Variants in CLEC10A observed in about 807,000 individuals in gnomAD.
CLEC10A encodes C-type lectin domain containing 10A.
In CLEC10A, 38 loss-of-function variants were observed where a neutral mutation model predicts 42.0. The observed-to-expected ratio is 0.90, with a 90% confidence interval of 0.70 to 1.18. CLEC10A has a LOEUF of 1.18. Among genes scored for constraint, CLEC10A ranks in the 50% most tolerant of loss-of-function variants. The pLI is 0.00. For missense variants in CLEC10A, 298 were observed against 345.9 expected, an observed-to-expected ratio of 0.86 and a Z score of 1.10; for synonymous variants, 126 against 139.9, an observed-to-expected ratio of 0.90 and a Z score of 0.70.
chr17:7,078,058 G>A lies in CLEC10A; in HGVS notation c.123C>T (p.Leu41=). 1 of 1,614,044 alleles carries A rather than the reference G, an allele frequency of 6.2e-7. No homozygotes were observed. Among genetic ancestry groups the A allele is most frequent in the Non-Finnish European group, 8.5e-7 (1 of 1,179,950 alleles). The change falls in exon 3 of 9, where the codon CTC becomes CTT. Residue 41 remains leucine (L), a synonymous_variant. Transcript: ENST00000416562. The part of the protein sequence containing the change: ...LQRLCSGPCH[L]LLSLGLGLLL... ...GGAGGCCGAGGCCCAGGGACAGCAG[G>A]AGATGGCAGGGCCCAGAGCAGAGAC...
chr17:7,079,231 G>A (rs756189275), intron 1 of CLEC10A, among the ~76,000 whole-genome samples: 19 of 152,134 alleles, frequency 1.2e-4, no homozygotes, highest in Non-Finnish European at 2.8e-4. Flanking sequence ...GTTCAATTTT[G>A]GCTTTGGGCT....
In CLEC10A at chr17:7,076,049, T is replaced by C. The variant is rs772740301; in HGVS notation, c.375A>G (p.Arg125=). The C allele has an allele frequency of 5.6e-6, 9 of 1,614,204 alleles. No homozygotes were observed. In the South Asian group the frequency reaches 8.8e-5, roughly 16 times the overall value. Residue 125 remains arginine (R), a synonymous_variant, in exon 6 of 9, where the codon CGA becomes CGG. Transcript: ENST00000416562. The stretch of plus-strand genomic sequence containing the variant: ...TCAGGTCTTGCACCAGCTGCTGGAC[T>C]CGCAGGAGCATTTCAGAATGAACTG... ...RQAVHSEMLL[R]VQQLVQDLKK...
intron 3 of CLEC10A, 45 bp downstream of exon 3, chr17:7,077,933 CACCCCATTATTTATCTTCT>C (rs1463698702): frequency 1.6e-6 from 2 of 1,262,342 alleles, no homozygotes; most frequent in African/African-American, 3.0e-5. Context: ...CCTACTGTAG[CACCCCATTATTTATCTTCT>C]ACCCCATTAT....
chr17:7,076,195 C>T, intron 5 of CLEC10A, 124 bp from the exon 6 acceptor site: 1 of 1,579,936 alleles, frequency 6.3e-7, no homozygotes, highest in South Asian at 1.2e-5. Context: ...CCGCCCCCAC[C>T]CACCCCCTAC....
In CLEC10A at chr17:7,075,439, C is replaced by T. The variant is rs767775644; in HGVS notation, c.622G>A (p.Ala208Thr). ...QNFVQKYLGS[A>T]YTWMGLSDPE... ...TCACTGAGGCCCATCCAGGTGTATG[C>T]GGAGCCTAGATATTTCTGGACAAAA... Residue 208 changes from alanine to threonine, a missense_variant, in exon 8 of 9, where the codon GCA (alanine) becomes ACA (threonine). Physicochemically the swap from Ala to Thr is moderately conservative, Grantham distance 58. Around this residue, in one of 3 missense-constraint regions of CLEC10A, gnomAD observed 267 missense variants for 289.5 expected, o/e 0.92. Coordinates refer to ENST00000416562, the MANE Select transcript of CLEC10A (RefSeq NM_001330070.2). 1.3e-5 allele frequency: 20 copies of T among 1,530,240 alleles called. No individual in the cohort carries two copies. Among genetic ancestry groups the T allele is most frequent in the Admixed American group, 4.3e-5 (2 of 46,204 alleles). 94.8% of individuals were successfully genotyped at this position (1,530,240 alleles called of 1,614,324 possible). A position where few individuals can be genotyped will look rare whatever the true frequency, so the allele number is the denominator to read the frequency against.
rs551538237 is a variant in CLEC10A at position 7,076,918 on chromosome 17, G to A, written c.254C>T (p.Ala85Val). 24 of 1,613,904 alleles carry A rather than the reference G, an allele frequency of 1.5e-5. No individual in the cohort carries two copies. Among genetic ancestry groups the A allele is most frequent in the Middle Eastern group, 1.6e-4 (1 of 6,062 alleles). The change falls in exon 4 of 9, where the codon GCG (alanine) becomes GTG (valine). Residue 85 changes from alanine (A) to valine (V), a missense_variant. Coordinates refer to ENST00000416562, the MANE Select transcript of CLEC10A (RefSeq NM_001330070.2). ...CTGGGAAGTCAGTGCCTGGATCTCC[G>A]CCACAGTGTTTGAGGTGAAGTTGCT... ...DFSNFTSNTV[A>V]EIQALTSQGS...
At chr17:7,076,592 G>A (rs974207017) in intron 5 of CLEC10A, 141 bp downstream of exon 5, 23 of 955,014 alleles carry the variant, frequency 2.4e-5, no homozygotes, top group East Asian at 7.2e-5. Context: ...GATTACAGGC[G>A]TGAACCACTG....
At chr17:7,079,543 G>A (rs538735306) in intron 1 of CLEC10A, among the ~76,000 whole-genome samples, 19 of 151,734 alleles carry the variant, frequency 1.3e-4, no homozygotes, top group African/African-American at 2.9e-4. Context: ...AGGTTGTGCC[G>A]TTGCACTCCA....
At position 7,076,013 on chromosome 17, in the gene CLEC10A, G is replaced by C. The variant is rs770948589; in HGVS notation, c.411C>G (p.Thr137=). The change falls in exon 6 of 9, where the codon ACC becomes ACG. Residue 137 remains threonine, a synonymous_variant. Coordinates refer to ENST00000416562, the MANE Select transcript of CLEC10A (RefSeq NM_001330070.2). ...TGTTGTTGAGAGTAGCCACCTGGCA[G>C]GTCAGTTTCTTCAGGTCTTGCACCA... ...QQLVQDLKKL[T]CQVATLNNNA... The C allele has an allele frequency of 5.6e-6, 9 of 1,614,110 alleles. No homozygotes were observed. Among genetic ancestry groups the C allele is most frequent in the Admixed American group, 3.3e-5 (2 of 60,002 alleles).
chr17:7,074,715 C>T lies in CLEC10A; in HGVS notation c.*339G>A. The T allele has an allele frequency of 5.7e-6, 1 of 176,494 alleles. No homozygotes were observed. The highest frequency in any genetic ancestry group is 1.2e-5 in the Non-Finnish European group (1 of 84,810). The allele number at this position is 176,494 out of a possible 1,614,324, so 10.9% of individuals were successfully genotyped here. A position where few individuals can be genotyped will look rare whatever the true frequency, so the allele number is the denominator to read the frequency against. On this transcript the variant is annotated 3_prime_UTR_variant, in exon 9 of 9. Transcript: ENST00000416562. ...TGGACTGCCCAGAGGCATGAGGGGA[C>T]TGGTGGGGGCGATGGCAATGTTATC...
In CLEC10A at chr17:7,075,852, C is replaced by T. The variant is rs764854106; in HGVS notation, c.473G>A (p.Trp158Ter). 9.9e-6 allele frequency: 16 copies of T among 1,613,908 alleles called. No individual in the cohort carries two copies. The Admixed American group carries it at 2.7e-4, about 27-fold the overall frequency. Reference sequence around the variant, plus strand: ...GTAGCAGCTGTCTTGGTGCTCCACCCAGTTGACAGGGCAGCAGGTCCCTTC... The same window carrying T: ...GTAGCAGCTGTCTTGGTGCTCCACCTAGTTGACAGGGCAGCAGGTCCCTTC... The part of the protein sequence containing the change: ...STEGTCCPVN[W>*]VEHQDSCYWF... The change falls in exon 7 of 9, where the codon TGG becomes TAG. Residue 158 changes from tryptophan (W) to a stop codon, truncating the protein, a stop_gained. Coordinates refer to ENST00000416562, the MANE Select transcript of CLEC10A (RefSeq NM_001330070.2). LOFTEE classifies it high-confidence loss of function.
At chr17:7,076,833 G>T in intron 4 of CLEC10A, 29 bp from the exon 5 acceptor site, 1 of 1,613,838 alleles carries the variant, frequency 6.2e-7, no homozygotes, top group Non-Finnish European at 8.5e-7. Flanking sequence ...TGGCTTAGGG[G>T]TCAACTTCCT....
At position 7,078,835 on chromosome 17, in the gene CLEC10A, G is replaced by A; in HGVS notation, c.-23C>T. ...CATGCTTGGGCCAACACGGCTCTGA[G>A]GTTGTCACAGCTGAAATGGAGGCAG... On this transcript the variant is annotated 5_prime_UTR_variant, in exon 2 of 9. Transcript: ENST00000416562. 6.2e-7 allele frequency: 1 copy of A among 1,613,000 alleles called. No individual in the cohort carries two copies.
chr17:7,075,150 G>C lies in CLEC10A; in HGVS notation c.774C>G (p.Phe258Leu). 1 of 1,608,524 alleles carries C rather than the reference G, an allele frequency of 6.2e-7. No homozygotes were observed. ...CGTCATTCCACCTGCCGTCTGGATG[G>C]AAGTGAGCACAGTCCTCGCCTCCAC... ...GLGGGEDCAH[F>L]HPDGRWNDDV... Residue 258 changes from phenylalanine (F) to leucine (L), a missense_variant, in exon 9 of 9, where the codon TTC becomes TTG. Phe to Leu is a conservative substitution (Grantham distance 22, BLOSUM62 0). This residue lies in a region of CLEC10A where 267 missense variants were observed against 289.5 expected (regional missense o/e 0.92). Transcript: ENST00000416562.
At chr17:7,076,234 G>A in intron 5 of CLEC10A, 163 bp from the exon 6 acceptor site, 1 of 1,327,708 alleles carries the variant, frequency 7.5e-7, no homozygotes, top group Non-Finnish European at 1.0e-6. Flanking sequence ...CATCAAATCT[G>A]CTTTGGATTC....
chr17:7,075,980 C>T lies in CLEC10A; in HGVS notation c.439+5G>A. 3.7e-6 allele frequency: 6 copies of T among 1,614,176 alleles called. No homozygotes were observed. Among genetic ancestry groups the T allele is most frequent in the Non-Finnish European group, 5.1e-6 (6 of 1,180,010 alleles). ...AGGGCCAGGTACTCCCCATACCTTC[C>T]TCACCATTGTTGTTGAGAGTAGCCA... On this transcript the variant is annotated splice_donor_5th_base_variant and intron_variant, in intron 6 of 8. Transcript: ENST00000416562.
intron 2 of CLEC10A, 103 bp downstream of exon 2, chr17:7,078,643 T>C: frequency 1.8e-6 from 2 of 1,141,822 alleles, no homozygotes; most frequent in Non-Finnish European, 2.6e-6. Context: ...CTCCTCAGAG[T>C]TAGGACCCAC....
In CLEC10A at chr17:7,076,187, G is replaced by A. The variant is rs758481897; in HGVS notation, c.353-116C>T. The A allele has an allele frequency of 3.5e-5, 52 of 1,480,728 alleles. No homozygotes were observed. The Admixed American group carries it at 5.0e-4, about 14-fold the overall frequency. The allele number at this position is 1,480,728 out of a possible 1,614,324, so 91.7% of individuals were successfully genotyped here. A position where few individuals can be genotyped will look rare whatever the true frequency, so the allele number is the denominator to read the frequency against. On this transcript the variant is annotated intron_variant, in intron 5 of 8. Coordinates refer to ENST00000416562, the MANE Select transcript of CLEC10A (RefSeq NM_001330070.2). ...GCCAAGCCAGGGAATGTTCCTTCCCGCCCCCACCCACCCCCTACATCATGG... is the reference window on the plus strand; with the variant it reads ...GCCAAGCCAGGGAATGTTCCTTCCCACCCCCACCCACCCCCTACATCATGG...
At chr17:7,078,148 C>CACTTCCTCTCCAGTCCCT (rs1911965982) in intron 2 of CLEC10A, 35 bp from the exon 3 acceptor site, 1 of 1,517,618 alleles carries the variant, frequency 6.6e-7, no homozygotes, top group Non-Finnish European at 9.1e-7. Context: ...TGAGGAGGGT[C>CACTTCCTCTCCAGTCCCT]CAGACACCGG....
Sources: allele counts gnomAD v4.1 joint callset (sites outside exome capture counted in the v4.1 genomes callset), GRCh38; gene constraint gnomAD v4.1.1; regional missense constraint gnomAD v4.1.1; transcripts MANE v1.5; gene names NCBI Gene and HGNC (gene_info 2026-07-23, HGNC 2026-07-21).